The following NELL2 variants were observed in gnomAD, a reference collection of about 807,000 sequenced individuals.
The protein encoded by NELL2 is neural EGFL like 2, also known as protein kinase C-binding protein NELL2.
NELL2 carries 41 observed loss-of-function variants against 109.6 expected under a neutral mutation model. The observed-to-expected ratio is 0.37, with a 90% CI of 0.29 to 0.49. NELL2 has a LOEUF of 0.49. Ranked by LOEUF, NELL2 falls within the 20% of genes least tolerant of loss-of-function variation. NELL2 has a pLI of 0.98. For synonymous variants in NELL2, 355 were observed against 344.7 expected (o/e 1.03, Z -0.33); for missense variants, 900 against 1,008.3 (o/e 0.89, Z 1.45).
chr12:44,686,667 C>T (rs1948726914), intron 12 of NELL2, among the ~76,000 whole-genome samples: 1 of 151,266 alleles, frequency 6.6e-6, no homozygotes, highest in Non-Finnish European at 1.5e-5. Context: ...TGTTGGAGTA[C>T]CCGGCCGTGT....
intron 1 of NELL2, among the ~76,000 whole-genome samples, chr12:44,894,733 T>C (rs2136873504): frequency 6.6e-6 from 1 of 152,334 alleles, no homozygotes; most frequent in Admixed American, 6.5e-5. Flanking sequence ...TAAAAATTAT[T>C]CTTCCCTGCT....
intron 15 of NELL2, among the ~76,000 whole-genome samples, chr12:44,586,810 C>T (rs755978594): frequency 1.3e-5 from 2 of 152,166 alleles, no homozygotes; most frequent in African/African-American, 4.8e-5. Context: ...ATAGACTCTA[C>T]AAGGGCAACG....
At chr12:44,885,513 T>C (rs1176694667) in intron 1 of NELL2, among the ~76,000 whole-genome samples, 1 of 151,654 alleles carries the variant, frequency 6.6e-6, no homozygotes, top group Non-Finnish European at 1.5e-5. Context: ...AAAAATACAA[T>C]TTAAAAAATA....
intron 11 of NELL2, among the ~76,000 whole-genome samples, chr12:44,704,351 GA>G (rs144331406): frequency 0.48 from 72,781 of 151,774 alleles, 18,455 homozygotes; most frequent in Non-Finnish European, 0.58. Flanking sequence ...ATGTGTTAAA[GA>G]TGAATATTAA....
chr12:44,719,397 C>G (rs1938653912), intron 9 of NELL2, among the ~76,000 whole-genome samples: 1 of 152,056 alleles, frequency 6.6e-6, no homozygotes, highest in Non-Finnish European at 1.5e-5. Flanking sequence ...TCATCTAAAC[C>G]TATCTAAAAA....
At chr12:44,741,700 T>A (rs1260994255) in intron 9 of NELL2, among the ~76,000 whole-genome samples, 4 of 152,126 alleles carry the variant, frequency 2.6e-5, no homozygotes, top group Non-Finnish European at 5.9e-5. Context: ...AGAGTCTCGC[T>A]CATTACTAGC....
intron 2 of NELL2, among the ~76,000 whole-genome samples, chr12:44,825,594 C>T (rs1434299749): frequency 6.7e-6 from 1 of 150,164 alleles, no homozygotes; most frequent in African/African-American, 2.4e-5. Flanking sequence ...CGAGTTTTCA[C>T]CATGTTAGCA....
chr12:44,607,761 T>C (rs1945458807), intron 14 of NELL2, among the ~76,000 whole-genome samples: 2 of 152,094 alleles, frequency 1.3e-5, no homozygotes, highest in South Asian at 4.1e-4. Flanking sequence ...GTCCTGGTAA[T>C]GAATTAACCA....
At chr12:44,548,809 T>G (rs1192579950) in intron 15 of NELL2, among the ~76,000 whole-genome samples, 1 of 152,204 alleles carries the variant, frequency 6.6e-6, no homozygotes, top group Admixed American at 6.6e-5. Context: ...TTAAATATAA[T>G]ACATAAATAT....
intron 13 of NELL2, among the ~76,000 whole-genome samples, chr12:44,625,323 A>C (rs553785138): frequency 6.6e-6 from 1 of 152,112 alleles, no homozygotes; most frequent in African/African-American, 2.4e-5. Flanking sequence ...TATTAACATA[A>C]CAAAGAGTGG....
chr12:44,754,337 T>C (rs12422718), intron 9 of NELL2, among the ~76,000 whole-genome samples: 59 of 152,302 alleles, frequency 3.9e-4, no homozygotes, highest in Non-Finnish European at 7.5e-4. Context: ...ATTTACTCTA[T>C]GGAAATATTA....
intron 12 of NELL2, among the ~76,000 whole-genome samples, chr12:44,689,834 C>G (rs1287588794): frequency 6.6e-6 from 1 of 152,054 alleles, no homozygotes; most frequent in Non-Finnish European, 1.5e-5. Flanking sequence ...ATGCACAGGA[C>G]AGCCCCACAG....
intron 19 of NELL2, among the ~76,000 whole-genome samples, chr12:44,516,217 A>G (rs957511857): frequency 6.6e-6 from 1 of 152,038 alleles, no homozygotes; most frequent in African/African-American, 2.4e-5. Context: ...AGTTACTATA[A>G]CTTATTTAAC....
chr12:44,536,500 C>G (rs1301302898), intron 15 of NELL2, among the ~76,000 whole-genome samples: 1 of 151,820 alleles, frequency 6.6e-6, no homozygotes, highest in Non-Finnish European at 1.5e-5. Context: ...CAGAAAATAG[C>G]AGACCTGGGG....
intron 9 of NELL2, 135 bp downstream of exon 9, chr12:44,774,612 A>G (rs1941676239): frequency 1.4e-6 from 1 of 711,560 alleles, no homozygotes; most frequent in East Asian, 2.7e-5. Context: ...CAAAACAGAG[A>G]AAGTATTCTT....
chr12:44,866,295 T>C (rs1944997968), intron 2 of NELL2, among the ~76,000 whole-genome samples: 1 of 152,024 alleles, frequency 6.6e-6, no homozygotes, highest in African/African-American at 2.4e-5. Flanking sequence ...TAGAAATCAG[T>C]AACAGGAGAA....
chr12:44,744,940 C>T (rs920439233), intron 9 of NELL2, among the ~76,000 whole-genome samples: 6 of 152,192 alleles, frequency 3.9e-5, no homozygotes, highest in African/African-American at 4.8e-5. Context: ...GGAATCCTCC[C>T]TAACTCATTT....
rs376503947 is a variant in NELL2 at position 44,857,973 on chromosome 12, C to T, written c.184+17252G>A. Among the ~76,000 whole-genome samples the T allele has an allele frequency of 9.2e-5, 14 of 152,254 alleles. No individual in the cohort carries two copies. In the South Asian group the frequency reaches 2.1e-3, roughly 23 times the overall value. On this transcript the variant is annotated intron_variant, in intron 2 of 19. Coordinates refer to ENST00000429094, the MANE Select transcript of NELL2 (RefSeq NM_001145108.2). ...CCTTTAGCACATGAAAGTCATCTGA[C>T]TTTAGCTCCTACACAAAATCTAGCA...
chr12:44,856,500 G>A lies in NELL2; in HGVS notation c.184+18725C>T, dbSNP rs559643520. Among the ~76,000 whole-genome samples, 265 of 152,256 alleles carry A rather than the reference G, an allele frequency of 1.7e-3. 1 individual carries two copies. The highest frequency in any genetic ancestry group is 6.2e-3 in the African/African-American group (257 of 41,560). ...GAAATTTTACTCTGTGATCATTAGA[G>A]GCCTCATTAAAAACTTGTTATCTGA... On this transcript the variant is annotated intron_variant, in intron 2 of 19. Coordinates refer to ENST00000429094, the MANE Select transcript of NELL2 (RefSeq NM_001145108.2).
Sources: allele counts gnomAD v4.1 joint callset (sites outside exome capture counted in the v4.1 genomes callset), GRCh38; gene constraint gnomAD v4.1.1; transcripts MANE v1.5; gene names NCBI Gene and HGNC (gene_info 2026-07-23, HGNC 2026-07-21).